PIM3: variants seen among roughly 807,000 people sequenced by gnomAD.
The protein encoded by PIM3 is serine/threonine-protein kinase pim-3.
A neutral mutation model predicts 27.5 loss-of-function variants in PIM3; 13 were observed. The observed-to-expected ratio is 0.47, with a 90% CI of 0.31 to 0.75. The LOEUF (loss-of-function observed/expected upper bound fraction) is 0.75, where lower values mean the gene tolerates loss of function less well. PIM3 is among the 30% of genes least tolerant of loss of function. PIM3 has a pLI of 0.05. For synonymous variants in PIM3, 341 were observed against 221.1 expected (o/e 1.54, Z -4.81); for missense variants, 482 against 476.9 (o/e 1.01, Z -0.10).
chr22:49,961,254 G>A lies in PIM3; in HGVS notation c.195+20G>A. On this transcript the variant is annotated intron_variant, in intron 2 of 5. Transcript: ENST00000360612. ...CTCCCGGTGAGTCGGACCGCCGGGC[G>A]GGCCCGGGTTTCTCGCGCGCCTTGC... The A allele has an allele frequency of 6.5e-7, 1 of 1,535,166 alleles. No homozygotes were observed. Among genetic ancestry groups the A allele is most frequent in the African/African-American group, 1.4e-5 (1 of 69,840 alleles).
chr22:49,961,409 C>A, intron 3 of PIM3, 33 bp from the exon 4 acceptor site: 1 of 1,420,184 alleles, frequency 7.0e-7, no homozygotes. Flanking sequence ...GGGGGGCGGG[C>A]GCGGGGCTTT....
chr22:49,961,756 C>A lies in PIM3; in HGVS notation c.561C>A (p.Leu187=). ...LVDLRSGELK[L]IDFGSGALLK... ...ACCTGCGCTCCGGAGAGCTCAAGCT[C>A]ATCGACTTCGGTTCGGGTGCGCTGC... The change falls in exon 4 of 6, where the codon CTC becomes CTA. Residue 187 remains leucine, a synonymous_variant. Transcript: ENST00000360612. 1 of 1,611,892 alleles carries A rather than the reference C, an allele frequency of 6.2e-7. No individual in the cohort carries two copies. Among genetic ancestry groups the A allele is most frequent in the African/African-American group, 1.3e-5 (1 of 74,886 alleles).
rs944154251 is a variant in PIM3 at position 49,963,220 on chromosome 22, C to T, written c.*93C>T. ...TGACTTTCTCCTGCGTGGGCCGTCTCCTCCTGCGGAAGCAGTGACCTCTGA... is the reference window on the plus strand; with the variant it reads ...TGACTTTCTCCTGCGTGGGCCGTCTTCTCCTGCGGAAGCAGTGACCTCTGA... On this transcript the variant is annotated 3_prime_UTR_variant, in exon 6 of 6. Coordinates refer to ENST00000360612, the MANE Select transcript of PIM3 (RefSeq NM_001001852.4). The T allele has an allele frequency of 1.6e-5, 22 of 1,364,532 alleles. No homozygotes were observed. Among genetic ancestry groups the T allele is most frequent in the African/African-American group, 8.9e-5 (6 of 67,730 alleles). The allele number at this position is 1,364,532 out of a possible 1,614,324, so 84.5% of individuals were successfully genotyped here.
rs1353325368 is a variant in PIM3, at chr22:49,960,801, A to T, written c.-147A>T. ...GAGGCGCTCCGCCTGCTGCGCGTCT[A>T]CGCGGTCCCCGCGGGCCTTCCGGGC... On this transcript the variant is annotated 5_prime_UTR_variant, in exon 1 of 6. Coordinates refer to ENST00000360612, the MANE Select transcript of PIM3 (RefSeq NM_001001852.4). 5 of 345,796 alleles carry T rather than the reference A, an allele frequency of 1.4e-5. No homozygotes were observed. In the East Asian group the frequency reaches 5.2e-4, roughly 36 times the overall value. 21.4% of individuals were successfully genotyped at this position (345,796 alleles called of 1,614,324 possible).
chr22:49,962,216 C>T (rs2060911143), intron 4 of PIM3, among the ~76,000 whole-genome samples: 1 of 151,620 alleles, frequency 6.6e-6, no homozygotes, highest in African/African-American at 2.4e-5. Flanking sequence ...GTTGGAGTGG[C>T]GGGGCCTCCC....
At position 49,963,103 on chromosome 22, in the gene PIM3, C is replaced by T. The variant is rs1250433521; in HGVS notation, c.957C>T (p.Thr319=). 2.5e-6 allele frequency: 4 copies of T among 1,608,160 alleles called. No individual in the cohort carries two copies. The highest frequency in any genetic ancestry group is 1.7e-5 in the Admixed American group (1 of 59,522). Residue 319 remains threonine, a synonymous_variant, in exon 6 of 6, where the codon ACC becomes ACT. Transcript: ENST00000360612. ...TCGACCCTGATGACGTGGCCAGCACCACGTCCAGCAGCGAGAGCTTGTGAG... is the reference window on the plus strand; with the variant it reads ...TCGACCCTGATGACGTGGCCAGCACTACGTCCAGCAGCGAGAGCTTGTGAG... ...CTLDPDDVAS[T]TSSSESL is the part of the protein sequence containing the mutation.
chr22:49,961,297 C>G (rs770428410), intron 2 of PIM3, 21 bp from the exon 3 acceptor site: 2 of 1,544,284 alleles, frequency 1.3e-6, no homozygotes, highest in African/African-American at 1.4e-5. Context: ...TTGGCCCGGC[C>G]TGACCCCCGC....
chr22:49,961,756 C>G lies in PIM3; in HGVS notation c.561C>G (p.Leu187=), dbSNP rs780473025. The G allele has an allele frequency of 6.2e-7, 1 of 1,611,892 alleles. No individual in the cohort carries two copies. Among genetic ancestry groups the G allele is most frequent in the Non-Finnish European group, 8.5e-7 (1 of 1,179,538 alleles). Residue 187 remains leucine (L), a synonymous_variant, in exon 4 of 6, where the codon CTC becomes CTG. Coordinates refer to ENST00000360612, the MANE Select transcript of PIM3 (RefSeq NM_001001852.4). The part of the protein sequence containing the change: ...LVDLRSGELK[L]IDFGSGALLK... ...ACCTGCGCTCCGGAGAGCTCAAGCT[C>G]ATCGACTTCGGTTCGGGTGCGCTGC...
Position 49,963,729 on chromosome 22 carries a change from G to C in PIM3, c.*602G>C, listed in dbSNP as rs2060922062. The C allele has an allele frequency of 6.6e-6, 1 of 152,462 alleles. No individual in the cohort carries two copies. The highest frequency in any genetic ancestry group is 6.5e-5 in the Admixed American group (1 of 15,282). 9.4% of individuals were successfully genotyped at this position (152,462 alleles called of 1,614,324 possible). A position where few individuals can be genotyped will look rare whatever the true frequency, so the allele number is the denominator to read the frequency against. On this transcript the variant is annotated 3_prime_UTR_variant, in exon 6 of 6. Transcript: ENST00000360612. ...CAGGGGAGGGGGTGGCTGTGGTCCAGGGACCCCAGGCCCTGATTCCTGTGC... is the reference window on the plus strand; with the variant it reads ...CAGGGGAGGGGGTGGCTGTGGTCCACGGACCCCAGGCCCTGATTCCTGTGC...
Position 49,961,388 on chromosome 22 carries a change from G to T in PIM3, c.246+20G>T. The T allele has an allele frequency of 2.1e-6, 3 of 1,450,062 alleles. No homozygotes were observed. The highest frequency in any genetic ancestry group is 2.7e-6 in the Non-Finnish European group (3 of 1,106,174). 89.8% of individuals were successfully genotyped at this position (1,450,062 alleles called of 1,614,324 possible). A position where few individuals can be genotyped will look rare whatever the true frequency, so the allele number is the denominator to read the frequency against. ...AGCCTGGTAAGTTGGGGCACGGGCG[G>T]CGGCGGCGGCGGGGGGCGGGCGCGG... is the stretch of plus-strand genomic sequence containing the variant. On this transcript the variant is annotated intron_variant, in intron 3 of 5. Coordinates refer to ENST00000360612, the MANE Select transcript of PIM3 (RefSeq NM_001001852.4).
Position 49,962,239 on chromosome 22 carries a change from G to A in PIM3, c.616+428G>A, listed in dbSNP as rs900740322. On this transcript the variant is annotated intron_variant, in intron 4 of 5. Coordinates refer to ENST00000360612, the MANE Select transcript of PIM3 (RefSeq NM_001001852.4). ...GGCGGGGCCTCCCCTGCGTGGGGGC[G>A]GGAGCTGCGTGCGTGCGGAGCGCGG... 7.9e-5 allele frequency among the ~76,000 whole-genome samples: 12 copies of A among 151,450 alleles called. No homozygotes were observed. In the East Asian group the frequency reaches 2.4e-3, roughly 30 times the overall value.
At position 49,962,651 on chromosome 22, in the gene PIM3, C is replaced by T. The variant is rs780952141; in HGVS notation, c.617-38C>T. On this transcript the variant is annotated intron_variant, in intron 4 of 5. Transcript: ENST00000360612. ...CCTCGCCGTCTGTTGAGCGGCTCTG[C>T]CTCTGTGGTGGGCGTGCTAAGCCCT... 15 of 1,586,360 alleles carry T rather than the reference C, an allele frequency of 9.5e-6. No homozygotes were observed. In the African/African-American group the frequency reaches 1.3e-4, roughly 14 times the overall value.
At position 49,961,638 on chromosome 22, in the gene PIM3, G is replaced by A; in HGVS notation, c.443G>A (p.Arg148His). Residue 148 changes from arginine (R) to histidine (H), a missense_variant, in exon 4 of 6, where the codon CGC becomes CAC. Arg to His is a conservative substitution (Grantham distance 29, BLOSUM62 0). Coordinates refer to ENST00000360612, the MANE Select transcript of PIM3 (RefSeq NM_001001852.4). ...ERGALDEPLA[R>H]RFFAQVLAAV... ...GGCGCCCTGGACGAGCCGCTGGCGC[G>A]CCGCTTCTTCGCGCAGGTGCTGGCC... 1 of 1,562,846 alleles carries A rather than the reference G, an allele frequency of 6.4e-7. No homozygotes were observed.
chr22:49,960,807 T>A lies in PIM3; in HGVS notation c.-141T>A, dbSNP rs2060901659. The A allele has an allele frequency of 2.6e-6, 1 of 387,362 alleles. No individual in the cohort carries two copies. Among genetic ancestry groups the A allele is most frequent in the Non-Finnish European group, 3.7e-6 (1 of 273,732 alleles). The allele number at this position is 387,362 out of a possible 1,614,324, so 24.0% of individuals were successfully genotyped here. On this transcript the variant is annotated 5_prime_UTR_variant, in exon 1 of 6. Coordinates refer to ENST00000360612, the MANE Select transcript of PIM3 (RefSeq NM_001001852.4). Reference sequence around the variant, plus strand: ...CTCCGCCTGCTGCGCGTCTACGCGGTCCCCGCGGGCCTTCCGGGCCCACTG... The same window carrying A: ...CTCCGCCTGCTGCGCGTCTACGCGGACCCCGCGGGCCTTCCGGGCCCACTG...
In PIM3 at chr22:49,963,226, G is replaced by C; in HGVS notation, c.*99G>C. On this transcript the variant is annotated 3_prime_UTR_variant, in exon 6 of 6. Transcript: ENST00000360612. ...TCTCCTGCGTGGGCCGTCTCCTCCTGCGGAAGCAGTGACCTCTGACCCCTG... is the reference window on the plus strand; with the variant it reads ...TCTCCTGCGTGGGCCGTCTCCTCCTCCGGAAGCAGTGACCTCTGACCCCTG... 7 of 1,340,176 alleles carry C rather than the reference G, an allele frequency of 5.2e-6. No homozygotes were observed. Among genetic ancestry groups the C allele is most frequent in the Non-Finnish European group, 6.9e-6 (7 of 1,009,028 alleles). The allele number at this position is 1,340,176 out of a possible 1,614,324, so 83.0% of individuals were successfully genotyped here.
chr22:49,962,889 G>C (rs749933111), intron 5 of PIM3, 24 bp downstream of exon 5: 5 of 1,601,638 alleles, frequency 3.1e-6, no homozygotes, highest in Non-Finnish European at 4.3e-6. Context: ...CGAGGCGGGG[G>C]TGGGGGCCTC....
rs754599946 is a variant in PIM3 at position 49,961,345 on chromosome 22, C to A, written c.223C>A (p.Arg75=). Residue 75 remains arginine, a synonymous_variant, in exon 3 of 6, where the codon CGG becomes AGG. Transcript: ENST00000360612. Reference sequence around the variant, plus strand: ...GGCTGTGAAGCACGTGGTGAAGGAGCGGGTGACCGAGTGGGGCAGCCTGGT... The same window carrying A: ...GGCTGTGAAGCACGTGGTGAAGGAGAGGGTGACCGAGTGGGGCAGCCTGGT... ...PVAVKHVVKE[R]VTEWGSLGGA... is the part of the protein sequence containing the mutation. The A allele has an allele frequency of 4.6e-6, 7 of 1,535,790 alleles. No homozygotes were observed. The highest frequency in any genetic ancestry group is 5.2e-6 in the Non-Finnish European group (6 of 1,146,466).
chr22:49,962,967 T>TGTCCCTGCGGCCCTC lies in PIM3; in HGVS notation c.822_836dup (p.Ser275_Ser279dup), dbSNP rs777606422. The TGTCCCTGCGGCCCTC allele has an allele frequency of 6.2e-7, 1 of 1,608,554 alleles. No individual in the cohort carries two copies. The highest frequency in any genetic ancestry group is 2.2e-5 in the East Asian group (1 of 44,874). On this transcript the variant is annotated inframe_insertion, in exon 6 of 6. Coordinates refer to ENST00000360612, the MANE Select transcript of PIM3 (RefSeq NM_001001852.4). ...TGCCAGCAGCTGATCCGGTGGTGCC[T>TGTCCCTGCGGCCCTC]GTCCCTGCGGCCCTCAGAGCGGCCG...
chr22:49,962,711 G>T lies in PIM3; in HGVS notation c.639G>T (p.Pro213=). 6.2e-7 allele frequency: 1 copy of T among 1,612,004 alleles called. No homozygotes were observed. The highest frequency in any genetic ancestry group is 8.5e-7 in the Non-Finnish European group (1 of 1,179,658). Reference sequence around the variant, plus strand: ...TAGGCACCCGAGTGTACAGCCCCCCGGAGTGGATCCGCTACCACCGCTACC... The same window carrying T: ...TAGGCACCCGAGTGTACAGCCCCCCTGAGTGGATCCGCTACCACCGCTACC... ...DFDGTRVYSP[P]EWIRYHRYHG... The change falls in exon 5 of 6, where the codon CCG becomes CCT. Residue 213 remains proline (P), a synonymous_variant. Coordinates refer to ENST00000360612, the MANE Select transcript of PIM3 (RefSeq NM_001001852.4).
Sources: allele counts gnomAD v4.1 joint callset (sites outside exome capture counted in the v4.1 genomes callset), GRCh38; gene constraint gnomAD v4.1.1; transcripts MANE v1.5; gene names NCBI Gene and HGNC (gene_info 2026-07-23, HGNC 2026-07-21).